MORC4: variants seen among roughly 807,000 people sequenced by gnomAD.
The protein encoded by MORC4 is MORC family CW-type zinc finger protein 4.
Under a neutral mutation model 65.5 loss-of-function variants are expected in MORC4, and 22 were observed. The ratio of observed to expected loss-of-function variants is 0.34; its 90% CI spans 0.24 to 0.48. MORC4 has a LOEUF of 0.48. Among genes scored for constraint, MORC4 ranks in the 20% least tolerant of loss-of-function variants. The pLI, the probability that MORC4 is intolerant of heterozygous loss-of-function variation, is 0.99. For synonymous variants in MORC4, 267 were observed against 255.8 expected (o/e 1.04, Z -0.42); for missense variants, 624 against 703.0 (o/e 0.89, Z 1.27).
intron 9 of MORC4, among the ~76,000 whole-genome samples, chrX:106,966,659 C>T (rs60673253): frequency 0.066 from 7,411 of 112,996 alleles, 633 homozygotes; most frequent in African/African-American, 0.23. Context: ...GTGGATGCCA[C>T]GCCCACAGAG....
intron 2 of MORC4, among the ~76,000 whole-genome samples, chrX:106,993,913 T>C: frequency 8.9e-6 from 1 of 111,961 alleles, no homozygotes; most frequent in African/African-American, 3.2e-5. Flanking sequence ...ACTGAAAGGG[T>C]TAGAGTTTAA....
chrX:106,981,150 C>T, intron 6 of MORC4, 131 bp from the exon 7 acceptor site: 1 of 897,936 alleles, frequency 1.1e-6, no homozygotes, highest in Non-Finnish European at 1.6e-6. Flanking sequence ...TACCTTATTA[C>T]ACTATGTAAA....
chrX:106,949,907 T>C (rs775706528), intron 14 of MORC4, among the ~76,000 whole-genome samples: 1 of 112,337 alleles, frequency 8.9e-6, no homozygotes, highest in Non-Finnish European at 1.9e-5. Context: ...CACAGTCTCC[T>C]AGATTGCCAA....
chrX:106,978,408 C>G (rs749724339), intron 7 of MORC4, among the ~76,000 whole-genome samples: 1 of 110,992 alleles, frequency 9.0e-6, no homozygotes, highest in Non-Finnish European at 1.9e-5. Context: ...CCCACAGAAA[C>G]AGTCAGGGAG....
At chrX:106,963,008 T>C (rs1458029140) in intron 9 of MORC4, among the ~76,000 whole-genome samples, 1 of 111,283 alleles carries the variant, frequency 9.0e-6, no homozygotes, top group Non-Finnish European at 1.9e-5. Context: ...CTCTACCTTA[T>C]TCATATTAAA....
intron 14 of MORC4, among the ~76,000 whole-genome samples, chrX:106,947,574 TA>T (rs1933870794): frequency 6.6e-5 from 5 of 75,431 alleles, no homozygotes; most frequent in African/African-American, 2.1e-4. Flanking sequence ...ATATATATTA[TA>T]TATATATATA....
intron 9 of MORC4, among the ~76,000 whole-genome samples, chrX:106,974,734 A>AT (rs1198971521): frequency 9.0e-6 from 1 of 111,726 alleles, no homozygotes; most frequent in Non-Finnish European, 1.9e-5. Context: ...CTCTTTTATC[A>AT]TTTGCAGGTT....
chrX:106,990,997 A>C (rs752209227), intron 3 of MORC4, among the ~76,000 whole-genome samples: 4 of 112,070 alleles, frequency 3.6e-5, no homozygotes, highest in African/African-American at 1.3e-4. Flanking sequence ...ATAATTTTCT[A>C]AAATTATTTT....
At chrX:106,958,183 C>T (rs918204688) in intron 11 of MORC4, among the ~76,000 whole-genome samples, 153 bp downstream of exon 11, 1 of 111,982 alleles carries the variant, frequency 8.9e-6, no homozygotes. Flanking sequence ...TAAGATACCA[C>T]GAAATGTAAG....
chrX:106,955,018 T>C lies in MORC4; in HGVS notation c.1580A>G (p.Tyr527Cys). 8.3e-7 allele frequency: 1 copy of C among 1,206,803 alleles called. No individual in the cohort carries two copies. Among genetic ancestry groups the C allele is most frequent in the Non-Finnish European group, 1.1e-6 (1 of 891,601 alleles). The change falls in exon 14 of 17, where the codon TAT becomes TGT. Residue 527 changes from tyrosine to cysteine, a missense_variant. By Grantham distance (194) the Tyr-to-Cys change is radical. Transcript: ENST00000355610. ...MAGLNNKTIGYEGIHSPSVLP... is the reference protein window; with the variant it reads ...MAGLNNKTIGCEGIHSPSVLP... ...CACACTAGGGCTATGAATTCCCTCA[T>C]ATCCAATTGTCTTGTTATTCAATCC...
chrX:106,966,483 T>G (rs1038759103), intron 9 of MORC4, among the ~76,000 whole-genome samples: 2 of 112,630 alleles, frequency 1.8e-5, no homozygotes, highest in Admixed American at 1.9e-4. Context: ...GGGCGGGGCA[T>G]CACCTCACGG....
intron 5 of MORC4, among the ~76,000 whole-genome samples, chrX:106,984,114 G>A (rs773415325): frequency 7.3e-5 from 8 of 109,906 alleles, no homozygotes; most frequent in Admixed American, 2.0e-4. Flanking sequence ...GCAAAACCCC[G>A]TCTCTAGAAA....
chrX:106,956,748 A>G (rs1476419533), intron 12 of MORC4, among the ~76,000 whole-genome samples, 188 bp downstream of exon 12: 1 of 111,602 alleles, frequency 9.0e-6, no homozygotes, highest in Non-Finnish European at 1.9e-5. Context: ...GAGAAAGACT[A>G]AAGACAATCA....
intron 14 of MORC4, among the ~76,000 whole-genome samples, chrX:106,948,228 TA>T (rs1255859020): frequency 5.4e-5 from 6 of 111,526 alleles, no homozygotes; most frequent in Admixed American, 9.5e-5. Flanking sequence ...TTTGTTTCAT[TA>T]ACCTTTTTAT....
intron 14 of MORC4, among the ~76,000 whole-genome samples, chrX:106,947,076 A>AT (rs967544984): frequency 3.6e-5 from 4 of 110,793 alleles, no homozygotes; most frequent in Non-Finnish European, 5.7e-5. Flanking sequence ...TTCCAATGTG[A>AT]TTTTTTTTCT....
At chrX:106,951,995 C>CA (rs56864570) in intron 14 of MORC4, among the ~76,000 whole-genome samples, 648 of 31,595 alleles carry the variant, frequency 0.021, 35 homozygotes, top group Middle Eastern at 0.045. Flanking sequence ...GACTCTGCCG[C>CA]AAAAAAAAAA....
At chrX:106,958,565 T>C (rs1757739963) in intron 10 of MORC4, 101 bp from the exon 11 acceptor site, 1 of 705,529 alleles carries the variant, frequency 1.4e-6, no homozygotes, top group African/African-American at 2.2e-5. Flanking sequence ...CCTAATTTCA[T>C]ATATGAAATA....
rs183854219 is a variant in MORC4 at position 106,948,483 on chromosome X, T to G, written c.1686-5278A>C. The stretch of plus-strand genomic sequence containing the variant: ...AATAGAAAGAGGAAGAAATATTCTA[T>G]TGTTTTGTGCTCTTTAATTAACTAC... On this transcript the variant is annotated intron_variant, in intron 14 of 16. Transcript: ENST00000355610. Among the ~76,000 whole-genome samples, 6 of 112,146 alleles carry G rather than the reference T, an allele frequency of 5.4e-5. No homozygotes were observed. The Admixed American group carries it at 5.7e-4, about 11-fold the overall frequency.
rs1186176527 is a variant in MORC4, at chrX:106,980,331, T to C, written c.936+560A>G. Among the ~76,000 whole-genome samples, 3 of 110,972 alleles carry C rather than the reference T, an allele frequency of 2.7e-5. No homozygotes were observed. The Admixed American group carries it at 2.9e-4, about 11-fold the overall frequency. ...CTACCATTATGAAAAGTACCAGGAATTTATGTCAAACCTAAGAAGATTTAC... is the reference window on the plus strand; with the variant it reads ...CTACCATTATGAAAAGTACCAGGAACTTATGTCAAACCTAAGAAGATTTAC... On this transcript the variant is annotated intron_variant, in intron 7 of 16. Coordinates refer to ENST00000355610, the MANE Select transcript of MORC4 (RefSeq NM_024657.5).
Sources: allele counts gnomAD v4.1 joint callset (sites outside exome capture counted in the v4.1 genomes callset), GRCh38; gene constraint gnomAD v4.1.1; transcripts MANE v1.5; gene names NCBI Gene and HGNC (gene_info 2026-07-23, HGNC 2026-07-21).